LIPG: variants seen among roughly 807,000 people sequenced by gnomAD.
LIPG encodes lipase G, endothelial type.
A neutral mutation model predicts 51.8 loss-of-function variants in LIPG; 34 were observed. The observed-to-expected ratio is 0.66, with a 90% confidence interval of 0.50 to 0.87. The LOEUF (loss-of-function observed/expected upper bound fraction) is 0.87, where lower values mean the gene tolerates loss of function less well. LIPG is among the 40% of genes least tolerant of loss of function. LIPG has a pLI of 0.00. For synonymous variants in LIPG, 246 were observed against 246.1 expected, an observed-to-expected ratio of 1.00 and a Z score of 0.00; for missense variants, 580 against 652.7, an observed-to-expected ratio of 0.89 and a Z score of 1.21.
At chr18:49,576,416 G>A (rs2084717287) in intron 5 of LIPG, among the ~76,000 whole-genome samples, 2 of 117,632 alleles carry the variant, frequency 1.7e-5, no homozygotes, top group African/African-American at 6.6e-5. Context: ...ATATATTATG[G>A]ATATTCTTTT....
chr18:49,567,739 G>T (rs774514350), intron 3 of LIPG, 118 bp downstream of exon 3: 1 of 1,001,518 alleles, frequency 1.0e-6, no homozygotes, highest in South Asian at 1.7e-5. Context: ...AAAAATCTTT[G>T]AGATTAAAAG....
Position 49,579,747 on chromosome 18 carries a change from T to G in LIPG, c.794-1668T>G, listed in dbSNP as rs1184091731. 1.1e-3 allele frequency among the ~76,000 whole-genome samples: 149 copies of G among 130,346 alleles called. 3 individuals carry two copies. Among genetic ancestry groups the G allele is most frequent in the African/African-American group, 5.0e-3 (139 of 27,698 alleles). 85.5% of individuals were successfully genotyped at this position (130,346 alleles called of 152,430 possible). On this transcript the variant is annotated intron_variant, in intron 5 of 9. Transcript: ENST00000261292. ...AGAATATAGGATGATGGCCTTTCTT[T>G]CCTTTCCTTTCCTTTCCTTTCTTTT... is the stretch of plus-strand genomic sequence containing the variant.
chr18:49,578,289 T>G (rs1356609486), intron 5 of LIPG, among the ~76,000 whole-genome samples: 1 of 126,252 alleles, frequency 7.9e-6, no homozygotes, highest in Non-Finnish European at 1.6e-5. Context: ...AGGCAGAGGG[T>G]CTCCTCACTT....
chr18:49,589,397 T>C (rs1032783178), intron 9 of LIPG: 1 of 152,362 alleles, frequency 6.6e-6, no homozygotes. Flanking sequence ...TCCACATATA[T>C]TAACTTCATT....
chr18:49,591,578 CAG>C lies in LIPG; in HGVS notation c.*1059_*1060del, dbSNP rs1377662768. 1 of 152,222 alleles carries C rather than the reference CAG, an allele frequency of 6.6e-6. No individual in the cohort carries two copies. The highest frequency in any genetic ancestry group is 1.9e-4 in the East Asian group (1 of 5,202). The allele number at this position is 152,222 out of a possible 1,614,324, so 9.4% of individuals were successfully genotyped here. A position where few individuals can be genotyped will look rare whatever the true frequency, so the allele number is the denominator to read the frequency against. ...TACACAGAAACCGGCACCTGCCAGA[CAG>C]AGCTGGTTCTAAGATTTAATACAGT... On this transcript the variant is annotated 3_prime_UTR_variant, in exon 10 of 10. Coordinates refer to ENST00000261292, the MANE Select transcript of LIPG (RefSeq NM_006033.4).
chr18:49,579,792 T>TCCTTTCCTTTCCTTTCCTTTCCTTTC (rs1568533574), intron 5 of LIPG, among the ~76,000 whole-genome samples: 1 of 139,660 alleles, frequency 7.2e-6, no homozygotes, highest in African/African-American at 3.1e-5. Context: ...TCTTTTCTTT[T>TCCTTTCCTTTCCTTTCCTTTCCTTTC]CTTTTCTTTT....
At chr18:49,585,991 A>G (rs1010985576) in intron 8 of LIPG, among the ~76,000 whole-genome samples, 36 of 152,134 alleles carry the variant, frequency 2.4e-4, no homozygotes, top group Non-Finnish European at 1.5e-5. Context: ...GCTCTTCTGA[A>G]TGGGGCTTTT....
chr18:49,581,450 G>A lies in LIPG; in HGVS notation c.829G>A (p.Ala277Thr). Reference protein sequence around the residue: ...TEVVKCEHERAVHLFVDSLVN... With the variant: ...TEVVKCEHERTVHLFVDSLVN... ...GGTGGTAAAATGTGAGCATGAGCGAGCCGTCCACCTCTTTGTTGACTCTCT... is the reference window on the plus strand; with the variant it reads ...GGTGGTAAAATGTGAGCATGAGCGAACCGTCCACCTCTTTGTTGACTCTCT... Residue 277 changes from alanine to threonine, a missense_variant, in exon 6 of 10, where the codon GCC becomes ACC. Physicochemically the swap from Ala to Thr is moderately conservative, Grantham distance 58. Transcript: ENST00000261292. The A allele has an allele frequency of 6.2e-7, 1 of 1,614,194 alleles. No homozygotes were observed. Among genetic ancestry groups the A allele is most frequent in the Non-Finnish European group, 8.5e-7 (1 of 1,180,038 alleles).
In LIPG at chr18:49,583,572, C is replaced by G. The variant is rs1214960190; in HGVS notation, c.1174C>G (p.Gln392Glu). The change falls in exon 8 of 10, where the codon CAG becomes GAG. Residue 392 changes from glutamine to glutamate, a missense_variant. By Grantham distance (29) the Gln-to-Glu change is conservative. Coordinates refer to ENST00000261292, the MANE Select transcript of LIPG (RefSeq NM_006033.4). ...LPLEIVERIE[Q>E]NATNTFLVYT... Reference sequence around the variant, plus strand: ...CACTTGTAGAGTGGAGCGGATCGAGCAGAATGCCACCAACACCTTCCTGGT... The same window carrying G: ...CACTTGTAGAGTGGAGCGGATCGAGGAGAATGCCACCAACACCTTCCTGGT... 1.9e-6 allele frequency: 3 copies of G among 1,613,862 alleles called. No individual in the cohort carries two copies. The highest frequency in any genetic ancestry group is 4.5e-5 in the East Asian group (2 of 44,864).
rs1600538737 is a variant in LIPG, at chr18:49,562,103, C to G, written c.-206C>G. 1.4e-5 allele frequency: 20 copies of G among 1,450,596 alleles called. 1 individual carries two copies. The highest frequency in any genetic ancestry group is 1.3e-5 in the Non-Finnish European group (14 of 1,110,196). The allele number at this position is 1,450,596 out of a possible 1,614,324, so 89.9% of individuals were successfully genotyped here. ...GGCGGCTCAGGACGAGGGCAGATCT[C>G]GTTCTGGGGCAAGCCGTTGACACTC... On this transcript the variant is annotated 5_prime_UTR_variant, in exon 1 of 10. Transcript: ENST00000261292.
At chr18:49,567,301 C>T (rs1246945319) in intron 2 of LIPG, 141 bp from the exon 3 acceptor site, 8 of 771,258 alleles carry the variant, frequency 1.0e-5, no homozygotes, top group Admixed American at 2.4e-5. Context: ...GTTGTCAGTG[C>T]ACTCCAGCCT....
intron 9 of LIPG, among the ~76,000 whole-genome samples, chr18:49,588,429 C>T (rs981083273): frequency 6.6e-6 from 1 of 151,998 alleles, no homozygotes; most frequent in African/African-American, 2.4e-5. Flanking sequence ...ATTACAAGTG[C>T]CTGCTACCAC....
At chr18:49,568,312 G>A (rs888336604) in intron 3 of LIPG, among the ~76,000 whole-genome samples, 1 of 152,130 alleles carries the variant, frequency 6.6e-6, no homozygotes, top group Non-Finnish European at 1.5e-5. Flanking sequence ...TTACAGGCAT[G>A]AGCCACCGTG....
rs1194564576 is a variant in LIPG at position 49,579,764 on chromosome 18, C to CTTTCCTTTCTTTTCTTTTCTTTTCT, written c.794-1647_794-1646insCTTTCTTTTCTTTTCTTTTCTTTTC. The stretch of plus-strand genomic sequence containing the variant: ...CCTTTCTTTCCTTTCCTTTCCTTTC[C>CTTTCCTTTCTTTTCTTTTCTTTTCT]TTTCTTTTCTTTTCTTTTCTTTTCT... On this transcript the variant is annotated intron_variant, in intron 5 of 9. Transcript: ENST00000261292. Among the ~76,000 whole-genome samples the CTTTCCTTTCTTTTCTTTTCTTTTCT allele has an allele frequency of 5.0e-4, 56 of 112,212 alleles. 1 individual carries two copies. Among genetic ancestry groups the CTTTCCTTTCTTTTCTTTTCTTTTCT allele is most frequent in the East Asian group, 3.1e-3 (13 of 4,180 alleles). 73.6% of individuals were successfully genotyped at this position (112,212 alleles called of 152,430 possible). A position where few individuals can be genotyped will look rare whatever the true frequency, so the allele number is the denominator to read the frequency against.
chr18:49,575,355 T>G lies in LIPG; in HGVS notation c.572-14T>G, dbSNP rs1382283603. On this transcript the variant is annotated splice_polypyrimidine_tract_variant and intron_variant, in intron 4 of 9. Transcript: ENST00000261292. ...CTGACACCACAGCTGTTTTGGGGCCTCCTTCTGCTGCAGGTTTGGATCCTG... is the reference window on the plus strand; with the variant it reads ...CTGACACCACAGCTGTTTTGGGGCCGCCTTCTGCTGCAGGTTTGGATCCTG... The G allele has an allele frequency of 3.7e-6, 6 of 1,611,126 alleles. No homozygotes were observed. The highest frequency in any genetic ancestry group is 3.4e-6 in the Non-Finnish European group (4 of 1,179,296).
rs2084931830 is a variant in LIPG, at chr18:49,590,562, TC to T, written c.*42del. ...GTCTTGCCAGCAAGGCAGCAAGACT[TC>T]CTGCTATCCAAGCCCATGGAGGAAA... On this transcript the variant is annotated 3_prime_UTR_variant, in exon 10 of 10. Transcript: ENST00000261292. 1 of 1,576,472 alleles carries T rather than the reference TC, an allele frequency of 6.3e-7. No individual in the cohort carries two copies. Among genetic ancestry groups the T allele is most frequent in the Non-Finnish European group, 8.6e-7 (1 of 1,157,904 alleles).
chr18:49,561,628 G>C (rs550777966), upstream of LIPG: 2 of 1,205,196 alleles, frequency 1.7e-6, no homozygotes, highest in Non-Finnish European at 2.1e-6. Flanking sequence ...ACGGACTCCC[G>C]GCCCAGGGAG....
rs1428820675 is a variant in LIPG at position 49,578,511 on chromosome 18, C to T, written c.794-2904C>T. On this transcript the variant is annotated intron_variant, in intron 5 of 9. Coordinates refer to ENST00000261292, the MANE Select transcript of LIPG (RefSeq NM_006033.4). ...CTCACTTCCTAGATGGGATGGCGGC[C>T]GGGCGGAGACGCTCCTCACTTTCCA... Among the ~76,000 whole-genome samples the T allele has an allele frequency of 2.5e-3, 346 of 138,834 alleles. 1 individual carries two copies. Among genetic ancestry groups the T allele is most frequent in the African/African-American group, 8.2e-3 (296 of 36,236 alleles). 91.1% of individuals were successfully genotyped at this position (138,834 alleles called of 152,430 possible).
chr18:49,574,689 A>G (rs746875760), intron 4 of LIPG, among the ~76,000 whole-genome samples: 2 of 152,130 alleles, frequency 1.3e-5, no homozygotes, highest in East Asian at 1.9e-4. Flanking sequence ...AGTGCTCTCA[A>G]CAGTGCTGCT....
Sources: allele counts gnomAD v4.1 joint callset (sites outside exome capture counted in the v4.1 genomes callset), GRCh38; gene constraint gnomAD v4.1.1; transcripts MANE v1.5; gene names NCBI Gene and HGNC (gene_info 2026-07-23, HGNC 2026-07-21).